Variants in ZNF841 observed in about 807,000 individuals in gnomAD.
The protein encoded by ZNF841 is TCONS_00006091.
A neutral mutation model predicts 13.0 loss-of-function variants in ZNF841; 11 were observed. That is an observed-to-expected ratio of 0.85 (90% CI 0.53 to 1.40). The LOEUF (loss-of-function observed/expected upper bound fraction) is 1.40, where lower values mean the gene tolerates loss of function less well. ZNF841 is among the 40% of genes most tolerant of loss of function. ZNF841 has a pLI of 0.00. For missense variants in ZNF841, 1,068 were observed against 1,139.5 expected, an observed-to-expected ratio of 0.94 and a Z score of 0.90; for synonymous variants, 369 against 381.6, an observed-to-expected ratio of 0.97 and a Z score of 0.38.
At chr19:52,094,657 A>C (rs12327781) in intron 1 of ZNF841, among the ~76,000 whole-genome samples, 7,453 of 150,504 alleles carry the variant, frequency 0.05, 242 homozygotes, top group African/African-American at 0.093. Context: ...TCCTAGGCTT[A>C]CTCCCTGCTG....
At chr19:52,084,468 T>A (rs2088203706) in intron 4 of ZNF841, among the ~76,000 whole-genome samples, 1 of 152,178 alleles carries the variant, frequency 6.6e-6, no homozygotes, top group Non-Finnish European at 1.5e-5. Context: ...GAGCTGACAG[T>A]GCATTCAGAT....
chr19:52,092,811 GA>G (rs2088544566), intron 2 of ZNF841, among the ~76,000 whole-genome samples: 1 of 152,118 alleles, frequency 6.6e-6, no homozygotes, highest in Non-Finnish European at 1.5e-5. Flanking sequence ...TGTATCTGCT[GA>G]AAAAACACAG....
intron 6 of ZNF841, among the ~76,000 whole-genome samples, chr19:52,071,639 T>C (rs2087741216): frequency 6.6e-6 from 1 of 152,080 alleles, no homozygotes; most frequent in Non-Finnish European, 1.5e-5. Context: ...CTGTTATTAG[T>C]TTAAAATAGG....
intron 6 of ZNF841, among the ~76,000 whole-genome samples, chr19:52,073,873 C>T (rs958842660): frequency 1.3e-5 from 2 of 152,096 alleles, no homozygotes; most frequent in African/African-American, 4.8e-5. Context: ...ATTTAGGAAA[C>T]TGAAACTTAC....
intron 3 of ZNF841, among the ~76,000 whole-genome samples, chr19:52,086,565 T>C (rs2088281735): frequency 1.3e-5 from 2 of 152,232 alleles, no homozygotes; most frequent in African/African-American, 4.8e-5. Flanking sequence ...TATTTCATTA[T>C]AGCAATTCAA....
chr19:52,090,160 A>T (rs1297149628), intron 2 of ZNF841, among the ~76,000 whole-genome samples: 2 of 152,238 alleles, frequency 1.3e-5, no homozygotes, highest in African/African-American at 2.4e-5. Flanking sequence ...AGAAATAAAG[A>T]AAACAGTCCT....
downstream of ZNF841, among the ~76,000 whole-genome samples, chr19:52,063,266 G>C (rs2087435504): frequency 6.6e-6 from 1 of 152,106 alleles, no homozygotes; most frequent in Non-Finnish European, 1.5e-5. Context: ...ACACACTACT[G>C]ATTAAAGGTC....
chr19:52,068,377 A>T (rs1028529974), intron 6 of ZNF841, among the ~76,000 whole-genome samples: 1 of 152,116 alleles, frequency 6.6e-6, no homozygotes, highest in Non-Finnish European at 1.5e-5. Flanking sequence ...AATAAAGAAT[A>T]AAAATTGGGG....
At chr19:52,071,618 T>C (rs554065670) in intron 6 of ZNF841, among the ~76,000 whole-genome samples, 4 of 152,238 alleles carry the variant, frequency 2.6e-5, no homozygotes, top group East Asian at 3.9e-4. Context: ...CTGTATGTAA[T>C]TGAAGTTAAG....
chr19:52,074,677 C>T (rs747200814), intron 6 of ZNF841, among the ~76,000 whole-genome samples: 23 of 152,240 alleles, frequency 1.5e-4, no homozygotes, highest in Non-Finnish European at 2.9e-4. Context: ...CCACCACGCC[C>T]GGCTAACTTT....
Position 52,065,690 on chromosome 19 carries a change from T to C in ZNF841, c.2192A>G (p.His731Arg), listed in dbSNP as rs778253940. The C allele has an allele frequency of 5.6e-6, 9 of 1,603,008 alleles. No individual in the cohort carries two copies. The highest frequency in any genetic ancestry group is 6.8e-6 in the Non-Finnish European group (8 of 1,174,204). ...ACATTTGTATGGCATCTCTCCAGTA[T>C]GTCTTCTCTGATGGTACACCAGACT... ...KTSLVYHQRR[H>R]TGEMPYKCIE... Residue 731 changes from histidine to arginine, a missense_variant, in exon 7 of 7, where the codon CAT becomes CGT. Physicochemically the swap from His to Arg is conservative, Grantham distance 29. Coordinates refer to ENST00000594440, the MANE Select transcript of ZNF841 (RefSeq NM_001136499.2).
intron 3 of ZNF841, among the ~76,000 whole-genome samples, chr19:52,086,380 C>G (rs2088275536): frequency 6.6e-6 from 1 of 152,130 alleles, no homozygotes. Flanking sequence ...CGCCTCCCCC[C>G]TCACTCTCTC....
At chr19:52,061,430 C>T (rs1445930642), downstream of ZNF841, among the ~76,000 whole-genome samples, 3 of 152,158 alleles carry the variant, frequency 2.0e-5, no homozygotes, top group Admixed American at 2.0e-4. Flanking sequence ...CCCATATGCA[C>T]AGGATTTTAT....
chr19:52,066,439 T>A lies in ZNF841; in HGVS notation c.1443A>T (p.Gly481=). 6.2e-7 allele frequency: 1 copy of A among 1,614,056 alleles called. No homozygotes were observed. The highest frequency in any genetic ancestry group is 8.5e-7 in the Non-Finnish European group (1 of 1,179,982). The part of the protein sequence containing the change: ...RLAGHRRIHT[G]EKPYKCNECG... ...ATTCATTACATTTGTAGGGTTTCTC[T>A]CCAGTATGAATTCTCCGGTGCCCTG... Residue 481 remains glycine, a synonymous_variant, in exon 7 of 7, where the codon GGA becomes GGT. Transcript: ENST00000594440.
intron 6 of ZNF841, 77 bp downstream of exon 6, chr19:52,075,967 C>T: frequency 6.7e-7 from 1 of 1,497,784 alleles, no homozygotes; most frequent in Non-Finnish European, 9.0e-7. Context: ...TGTTTCCCCA[C>T]AGAACTCTCC....
In ZNF841 at chr19:52,066,563, T is replaced by G; in HGVS notation, c.1319A>C (p.Gln440Pro). 1 of 1,613,654 alleles carries G rather than the reference T, an allele frequency of 6.2e-7. No individual in the cohort carries two copies. The highest frequency in any genetic ancestry group is 1.1e-5 in the South Asian group (1 of 91,034). The change falls in exon 7 of 7, where the codon CAG becomes CCG. Residue 440 changes from glutamine (Q) to proline (P), a missense_variant. Coordinates refer to ENST00000594440, the MANE Select transcript of ZNF841 (RefSeq NM_001136499.2). The part of the protein sequence containing the change: ...TCDVCGKVFY[Q>P]NSQLVRHQII... ...CTGGTGCCTTACAAGTTGTGAATTC[T>G]GATAAAAGACCTTGCCACATACATC...
rs758638679 is a variant in ZNF841, at chr19:52,084,879, C to G, written c.-77-1G>C. The G allele has an allele frequency of 1.2e-5, 18 of 1,466,942 alleles. No individual in the cohort carries two copies. Among genetic ancestry groups the G allele is most frequent in the Non-Finnish European group, 1.3e-5 (14 of 1,079,002 alleles). 90.9% of individuals were successfully genotyped at this position (1,466,942 alleles called of 1,614,324 possible). A position where few individuals can be genotyped will look rare whatever the true frequency, so the allele number is the denominator to read the frequency against. ...ATAATTAATTCTTTAAAAGTCAAAT[C>G]TGAAAGTCAAAAATATGTTGTTTAA... On this transcript the variant is annotated splice_acceptor_variant, in intron 3 of 6. Transcript: ENST00000594440. LOFTEE classifies it low-confidence loss of function (5UTR_SPLICE).
At chr19:52,090,654 G>GGAAGGAAGGAAAGAAAGAAAGAAAGAAA (rs1183196348) in intron 2 of ZNF841, among the ~76,000 whole-genome samples, 9 of 84,630 alleles carry the variant, frequency 1.1e-4, no homozygotes, top group African/African-American at 5.4e-4. Flanking sequence ...AAGGAAGGAA[G>GGAAGGAAGGAAAGAAAGAAAGAAAGAAA]GAAAGAAAGA....
intron 4 of ZNF841, among the ~76,000 whole-genome samples, chr19:52,083,115 C>T (rs997780815): frequency 1.3e-5 from 2 of 151,674 alleles, no homozygotes; most frequent in Non-Finnish European, 2.9e-5. Context: ...CAAAAACTTG[C>T]AAAATACAGC....
Sources: allele counts gnomAD v4.1 joint callset (sites outside exome capture counted in the v4.1 genomes callset), GRCh38; gene constraint gnomAD v4.1.1; transcripts MANE v1.5; gene names NCBI Gene and HGNC (gene_info 2026-07-23, HGNC 2026-07-21).